Variants in WDFY4 observed in about 807,000 individuals in gnomAD.
The protein encoded by WDFY4 is WDFY family member 4.
Under a neutral mutation model 351.9 loss-of-function variants are expected in WDFY4, and 169 were observed. The ratio of observed to expected loss-of-function variants is 0.48; its 90% confidence interval spans 0.42 to 0.55. The LOEUF (loss-of-function observed/expected upper bound fraction) is 0.55, where lower values mean the gene tolerates loss of function less well. Ranked by LOEUF, WDFY4 falls within the 20% of genes least tolerant of loss-of-function variation. The probability of loss-of-function intolerance (pLI) is 0.00; values close to 1 mark genes in which losing one functional copy is unlikely to be tolerated. For missense variants in WDFY4, 3,803 were observed against 3,935.6 expected, an observed-to-expected ratio of 0.97 and a Z score of 0.90; for synonymous variants, 1,622 against 1,574.6, an observed-to-expected ratio of 1.03 and a Z score of -0.71.
At chr10:48,910,807 G>A (rs1283926816) in intron 47 of WDFY4, 6 of 568,410 alleles carry the variant, frequency 1.1e-5, no homozygotes, top group Non-Finnish European at 1.3e-5. Flanking sequence ...AAGTAAGGGT[G>A]TTGAGGACCA....
chr10:48,947,827 A>G (rs1841126170), intron 51 of WDFY4, among the ~76,000 whole-genome samples: 1 of 152,188 alleles, frequency 6.6e-6, no homozygotes, highest in Non-Finnish European at 1.5e-5. Flanking sequence ...AGAATATAGC[A>G]CAGGGAGTAT....
intron 25 of WDFY4, 75 bp from the exon 26 acceptor site, chr10:48,805,185 C>T: frequency 3.4e-6 from 5 of 1,486,004 alleles, no homozygotes; most frequent in Non-Finnish European, 4.5e-6. Flanking sequence ...GCTTGAAAAA[C>T]CTTTTTAGCA....
intron 39 of WDFY4, among the ~76,000 whole-genome samples, chr10:48,842,101 A>G (rs1164350645): frequency 1.3e-5 from 2 of 151,970 alleles, no homozygotes; most frequent in African/African-American, 2.4e-5. Context: ...TCCAGGAATA[A>G]TTGGTACTGG....
chr10:48,756,784 G>T (rs1057242936), intron 12 of WDFY4, among the ~76,000 whole-genome samples: 1 of 151,884 alleles, frequency 6.6e-6, no homozygotes, highest in Admixed American at 6.6e-5. Context: ...TTGCATTTAC[G>T]GGTAGTCCAA....
intron 13 of WDFY4, among the ~76,000 whole-genome samples, chr10:48,768,058 G>T (rs2065729423): frequency 6.6e-6 from 1 of 152,214 alleles, no homozygotes; most frequent in African/African-American, 2.4e-5. Context: ...TTAGGATACT[G>T]ATTTGGATTA....
At position 48,901,673 on chromosome 10, in the gene WDFY4, T is replaced by G. The variant is rs1489154412; in HGVS notation, c.7524-128T>G. On this transcript the variant is annotated intron_variant, in intron 46 of 61. Transcript: ENST00000325239. ...ACACCCAGGCCTGGTGTTCACGACC[T>G]GGGGGCAGGATGGAGCGAGGGGGAG... The G allele has an allele frequency of 1.3e-5, 13 of 1,000,968 alleles. No homozygotes were observed. In the East Asian group the frequency reaches 2.6e-4, roughly 20 times the overall value. The allele number at this position is 1,000,968 out of a possible 1,614,324, so 62.0% of individuals were successfully genotyped here. A position where few individuals can be genotyped will look rare whatever the true frequency, so the allele number is the denominator to read the frequency against.
At position 48,697,879 on chromosome 10, in the gene WDFY4, C is replaced by T. The variant is rs112753687; in HGVS notation, c.-17-11837C>T. 4.6e-5 allele frequency among the ~76,000 whole-genome samples: 7 copies of T among 152,346 alleles called. No homozygotes were observed. In the East Asian group the frequency reaches 7.7e-4, roughly 17 times the overall value. On this transcript the variant is annotated intron_variant, in intron 1 of 61. Transcript: ENST00000325239. The stretch of plus-strand genomic sequence containing the variant: ...TGACTTTAGGTGGCATCTTGTCCCA[C>T]GGCCCCCATGTCACCTTGGCCTGTT...
intron 47 of WDFY4, chr10:48,909,617 TAGTG>T (rs1837826398): frequency 6.6e-6 from 1 of 152,160 alleles, no homozygotes; most frequent in Admixed American, 6.6e-5. Context: ...AGGCATCACA[TAGTG>T]AGAGGAAGAG....
chr10:48,780,896 C>T (rs902231625), intron 19 of WDFY4, among the ~76,000 whole-genome samples: 1 of 152,156 alleles, frequency 6.6e-6, no homozygotes, highest in Non-Finnish European at 1.5e-5. Flanking sequence ...CTCTCTGGGT[C>T]AGGTAATTTG....
intron 47 of WDFY4, among the ~76,000 whole-genome samples, chr10:48,918,229 T>C (rs1161523039): frequency 6.6e-6 from 1 of 152,148 alleles, no homozygotes; most frequent in East Asian, 1.9e-4. Context: ...AACTCAAACA[T>C]AGCAATACTT....
chr10:48,961,248 G>A (rs1161503554), intron 53 of WDFY4, among the ~76,000 whole-genome samples: 1 of 152,100 alleles, frequency 6.6e-6, no homozygotes, highest in African/African-American at 2.4e-5. Context: ...TGAGTACTTG[G>A]GCCAGAGATG....
intron 43 of WDFY4, among the ~76,000 whole-genome samples, chr10:48,885,023 A>G (rs2070399277): frequency 6.6e-6 from 1 of 152,232 alleles, no homozygotes; most frequent in Non-Finnish European, 1.5e-5. Flanking sequence ...TGAATGAACA[A>G]ATAGATGAGT....
chr10:48,888,038 G>T (rs1374286237), intron 43 of WDFY4, among the ~76,000 whole-genome samples: 1 of 152,202 alleles, frequency 6.6e-6, no homozygotes, highest in Admixed American at 6.5e-5. Flanking sequence ...AAGTCTAGAT[G>T]CAGAGCAGTA....
chr10:48,790,933 C>T lies in WDFY4; in HGVS notation c.4257+16C>T. On this transcript the variant is annotated intron_variant, in intron 23 of 61. Coordinates refer to ENST00000325239, the MANE Select transcript of WDFY4 (RefSeq NM_001394531.1). ...TGGGTACCAGGTAATCCCATCCTCCCACCTGGAACTGAGACTCCTGAAAGG... is the reference window on the plus strand; with the variant it reads ...TGGGTACCAGGTAATCCCATCCTCCTACCTGGAACTGAGACTCCTGAAAGG... The T allele has an allele frequency of 6.4e-7, 1 of 1,551,178 alleles. No individual in the cohort carries two copies. Among genetic ancestry groups the T allele is most frequent in the Non-Finnish European group, 8.7e-7 (1 of 1,146,604 alleles).
At chr10:48,760,499 C>T (rs2065469732) in intron 13 of WDFY4, 59 bp downstream of exon 13, 2 of 1,511,318 alleles carry the variant, frequency 1.3e-6, no homozygotes, top group Admixed American at 2.0e-5. Context: ...TCTCAAATGC[C>T]TTCTGACCCA....
At chr10:48,959,463 C>A (rs1234267734) in intron 52 of WDFY4, among the ~76,000 whole-genome samples, 1 of 152,178 alleles carries the variant, frequency 6.6e-6, no homozygotes, top group Non-Finnish European at 1.5e-5. Context: ...ACACTGAAAT[C>A]ATTTCAGATG....
At chr10:48,712,101 G>T (rs919779525) in intron 2 of WDFY4, among the ~76,000 whole-genome samples, 3 of 152,214 alleles carry the variant, frequency 2.0e-5, no homozygotes, top group African/African-American at 7.2e-5. Context: ...GAGGCATAAT[G>T]ACCCTGTTGT....
intron 19 of WDFY4, among the ~76,000 whole-genome samples, chr10:48,784,104 C>A (rs560160345): frequency 6.6e-6 from 1 of 152,142 alleles, no homozygotes; most frequent in Non-Finnish European, 1.5e-5. Flanking sequence ...TGAAAGACAT[C>A]TGGGATGTTT....
intron 1 of WDFY4, among the ~76,000 whole-genome samples, chr10:48,694,363 T>C (rs4012686): frequency 0.69 from 103,805 of 151,462 alleles, 36,040 homozygotes; most frequent in Middle Eastern, 0.8. Context: ...CTTTATTTCT[T>C]TCTCCTCTTT....
Sources: gnomAD v4.1 joint callset for allele counts (sites outside exome capture counted in the v4.1 genomes callset) on GRCh38, gnomAD v4.1.1 for gene constraint, MANE v1.5 for transcripts, NCBI Gene and HGNC (gene_info 2026-07-23, HGNC 2026-07-21) for gene names.